Variants in ACTN2 observed in about 807,000 individuals in gnomAD.
ACTN2 encodes the protein actinin alpha 2, also known as alpha-actinin-2.
In ACTN2, 39 loss-of-function variants were observed where a neutral mutation model predicts 113.8. The ratio of observed to expected loss-of-function variants is 0.34; its 90% CI spans 0.27 to 0.45. The LOEUF is 0.45. Among genes scored for constraint, ACTN2 ranks in the 20% least tolerant of loss-of-function variants. The pLI is 1.00. For missense variants in ACTN2, 992 were observed against 1,177.9 expected (o/e 0.84, Z 2.31); for synonymous variants, 429 against 444.1 (o/e 0.97, Z 0.43).
chr1:236,748,233 CT>C, intron 13 of ACTN2: 1 of 178,846 alleles, frequency 5.6e-6, no homozygotes, highest in East Asian at 1.5e-4. Context: ...CAGTGGGTAT[CT>C]TGTGTTTAAC....
At chr1:236,725,347 G>T (rs1658516847) in intron 4 of ACTN2, among the ~76,000 whole-genome samples, 1 of 152,140 alleles carries the variant, frequency 6.6e-6, no homozygotes, top group Non-Finnish European at 1.5e-5. Context: ...TTTATTTTCA[G>T]CTGGGCACAG....
chr1:236,746,904 C>T (rs774292987), intron 12 of ACTN2, among the ~76,000 whole-genome samples: 3 of 152,154 alleles, frequency 2.0e-5, no homozygotes, highest in Non-Finnish European at 2.9e-5. Context: ...TCAGAAATCC[C>T]GCTATGTTAG....
At chr1:236,735,338 AG>A (rs1239372206) in intron 7 of ACTN2, among the ~76,000 whole-genome samples, 1 of 152,192 alleles carries the variant, frequency 6.6e-6, no homozygotes, top group Non-Finnish European at 1.5e-5. Context: ...GCAACAGACC[AG>A]GTTTCCATGT....
At chr1:236,735,472 A>G (rs886681740) in intron 7 of ACTN2, among the ~76,000 whole-genome samples, 163 bp from the exon 8 acceptor site, 3 of 152,324 alleles carry the variant, frequency 2.0e-5, no homozygotes, top group South Asian at 2.1e-4. Flanking sequence ...TCGATACAAT[A>G]TGGCCTTCCT....
intron 7 of ACTN2, among the ~76,000 whole-genome samples, chr1:236,732,141 C>T (rs12746176): frequency 0.065 from 9,853 of 152,314 alleles, 371 homozygotes; most frequent in Admixed American, 0.13. Context: ...TATAGTCAGT[C>T]GTCAATCTTC....
chr1:236,749,146 C>A lies in ACTN2; in HGVS notation c.1538C>A (p.Thr513Asn), dbSNP rs749178520. Reference sequence around the variant, plus strand: ...TAGAGAATGGAGAAATTGCTAGAAACCATTGATCAGCTTCACCTGGAGTTT... The same window carrying A: ...TAGAGAATGGAGAAATTGCTAGAAAACATTGATCAGCTTCACCTGGAGTTT... ...ALERMEKLLETIDQLHLEFAK... is the reference protein window; with the variant it reads ...ALERMEKLLENIDQLHLEFAK... The change falls in exon 14 of 21, where the codon ACC becomes AAC. Residue 513 changes from threonine (T) to asparagine (N), a missense_variant. Physicochemically the swap from Thr to Asn is moderately conservative, Grantham distance 65 (BLOSUM62 0). This residue lies in a region of ACTN2 where 736 missense variants were observed against 815.4 expected (regional missense o/e 0.90). Transcript: ENST00000366578. 26 of 1,613,980 alleles carry A rather than the reference C, an allele frequency of 1.6e-5. No individual in the cohort carries two copies. The highest frequency in any genetic ancestry group is 2.2e-5 in the Non-Finnish European group (26 of 1,180,034).
Position 236,757,471 on chromosome 1 carries a change from C to T in ACTN2, c.2155-15C>T, listed in dbSNP as rs1345652229. ...GAGAGACTTAGAACTGATCTTTCCC[C>T]TTTTCCCTCAATAGCACATTCGTGT... On this transcript the variant is annotated splice_polypyrimidine_tract_variant and intron_variant, in intron 17 of 20. Coordinates refer to ENST00000366578, the MANE Select transcript of ACTN2 (RefSeq NM_001103.4). 6.2e-7 allele frequency: 1 copy of T among 1,614,070 alleles called. No homozygotes were observed. The highest frequency in any genetic ancestry group is 1.7e-5 in the Admixed American group (1 of 60,014).
At chr1:236,721,015 G>GGTTTTTGTTTTTTTTTTTTTT in intron 4 of ACTN2, among the ~76,000 whole-genome samples, 15 of 49,138 alleles carry the variant, frequency 3.1e-4, no homozygotes, top group African/African-American at 1.0e-3. Flanking sequence ...TCTGGTTTTT[G>GGTTTTTGTTTTTTTTTTTTTT]TTTTTTGTTT....
Position 236,761,034 on chromosome 1 carries a change from G to A in ACTN2, c.2387G>A (p.Arg796His), listed in dbSNP as rs772409484. 14 of 1,614,020 alleles carry A rather than the reference G, an allele frequency of 8.7e-6. No individual in the cohort carries two copies. Among genetic ancestry groups the A allele is most frequent in the East Asian group, 4.5e-5 (2 of 44,888 alleles). Residue 796 changes from arginine to histidine, a missense_variant, in exon 20 of 21, where the codon CGC (arginine) becomes CAC (histidine). Physicochemically the swap from Arg to His is conservative, Grantham distance 29. Around this residue, in one of 3 missense-constraint regions of ACTN2, gnomAD observed 736 missense variants for 815.4 expected, o/e 0.90. Transcript: ENST00000366578. ...CCCCAGGGTGAAGCCGAATTTGCCC[G>A]CATTATGACCCTGGTAGATCCCAAC... ...GYDLGEAEFARIMTLVDPNGQ... is the reference protein window; with the variant it reads ...GYDLGEAEFAHIMTLVDPNGQ...
chr1:236,719,068 T>C, intron 3 of ACTN2, 55 bp downstream of exon 3: 1 of 1,610,214 alleles, frequency 6.2e-7, no homozygotes, highest in Non-Finnish European at 8.5e-7. Flanking sequence ...AGCGTAGGTG[T>C]GGGCTGCGAC....
intron 1 of ACTN2, among the ~76,000 whole-genome samples, chr1:236,692,845 G>T (rs959511849): frequency 6.6e-6 from 1 of 152,040 alleles, no homozygotes; most frequent in Non-Finnish European, 1.5e-5. Flanking sequence ...CTTAATTAAC[G>T]CAGCCTCAGA....
intron 11 of ACTN2, among the ~76,000 whole-genome samples, chr1:236,743,936 C>T (rs1027300559): frequency 8.5e-5 from 13 of 152,122 alleles, no homozygotes; most frequent in African/African-American, 9.7e-5. Flanking sequence ...TTTAGAGTAG[C>T]GTCTAGTACA....
intron 1 of ACTN2, among the ~76,000 whole-genome samples, chr1:236,712,495 T>C (rs1196604674): frequency 6.6e-6 from 1 of 152,154 alleles, no homozygotes; most frequent in African/African-American, 2.4e-5. Flanking sequence ...AAGTGGATAA[T>C]TACCTATGGT....
In ACTN2 at chr1:236,744,659, A is replaced by G; in HGVS notation, c.1289A>G (p.Glu430Gly). The G allele has an allele frequency of 6.2e-7, 1 of 1,614,222 alleles. No individual in the cohort carries two copies. Among genetic ancestry groups the G allele is most frequent in the South Asian group, 1.1e-5 (1 of 91,078 alleles). Residue 430 changes from glutamate to glycine, a missense_variant, in exon 12 of 21, where the codon GAG becomes GGG. Transcript: ENST00000366578. ...CAGATCTTGCTGCAGAAGGATTACG[A>G]GTCGGCGTCGCTGACAGAGGTGCGG... ...KEQILLQKDY[E>G]SASLTEVRAL...
At chr1:236,736,511 G>A (rs1427338131) in intron 8 of ACTN2, 9 of 1,271,254 alleles carry the variant, frequency 7.1e-6, no homozygotes, top group Admixed American at 6.4e-5. Flanking sequence ...TCCTTTCCAC[G>A]AAAGATGACA....
At chr1:236,710,315 G>A (rs1237458480) in intron 1 of ACTN2, among the ~76,000 whole-genome samples, 5 of 152,188 alleles carry the variant, frequency 3.3e-5, no homozygotes, top group Non-Finnish European at 7.4e-5. Context: ...AATGCATAGC[G>A]ATTGAATAAC....
At chr1:236,744,990 G>A (rs1166346155) in intron 12 of ACTN2, among the ~76,000 whole-genome samples, 2 of 152,036 alleles carry the variant, frequency 1.3e-5, no homozygotes, top group Non-Finnish European at 2.9e-5. Flanking sequence ...GCAGCACCCC[G>A]GCCCTCAGCA....
At position 236,709,275 on chromosome 1, in the gene ACTN2, T is replaced by C. The variant is rs1264290793; in HGVS notation, c.127-8583T>C. Among the ~76,000 whole-genome samples the C allele has an allele frequency of 1.5e-3, 171 of 110,728 alleles. 2 individuals carry two copies. The highest frequency in any genetic ancestry group is 4.6e-3 in the African/African-American group (149 of 32,414). 72.6% of individuals were successfully genotyped at this position (110,728 alleles called of 152,430 possible). On this transcript the variant is annotated intron_variant, in intron 1 of 20. Transcript: ENST00000366578. ...ATATATACACACACACACACACATA[T>C]ATATGTATATATATGTATATATGTA...
rs556243000 is a variant in ACTN2, at chr1:236,696,033, G to A, written c.126+9234G>A. Among the ~76,000 whole-genome samples the A allele has an allele frequency of 3.0e-4, 46 of 152,218 alleles. 1 individual carries two copies. In the South Asian group the frequency reaches 8.9e-3, roughly 30 times the overall value. ...ATATGAGATTGTTTTGGGGCCAGGC[G>A]CAGAGGCTTAAGCCTGTAATCCCAG... On this transcript the variant is annotated intron_variant, in intron 1 of 20. Transcript: ENST00000366578.
Sources: gnomAD v4.1 joint callset for allele counts (sites outside exome capture counted in the v4.1 genomes callset) on GRCh38, gnomAD v4.1.1 for gene constraint, gnomAD v4.1.1 regional missense constraint, MANE v1.5 for transcripts, NCBI Gene and HGNC (gene_info 2026-07-23, HGNC 2026-07-21) for gene names.